The following TMEM108 variants were observed in gnomAD, a reference collection of about 807,000 sequenced individuals.
The protein encoded by TMEM108 is transmembrane protein 108, also known as cancer/testis antigen 124.
TMEM108 carries 12 observed loss-of-function variants against 35.1 expected under a neutral mutation model. That is an observed-to-expected ratio of 0.34 (90% confidence interval 0.22 to 0.55). The LOEUF is 0.55. Ranked by LOEUF, TMEM108 falls within the 20% of genes least tolerant of loss-of-function variation. The pLI, the probability that TMEM108 is intolerant of heterozygous loss-of-function variation, is 0.89. For synonymous variants in TMEM108, 287 were observed against 308.6 expected (o/e 0.93, Z 0.73); for missense variants, 680 against 753.3 (o/e 0.90, Z 1.14).
chr3:133,310,483 T>C (rs1200145042), intron 3 of TMEM108, among the ~76,000 whole-genome samples: 1 of 151,642 alleles, frequency 6.6e-6, no homozygotes, highest in Non-Finnish European at 1.5e-5. Flanking sequence ...TTTTGGTCTT[T>C]GTTGGTTTAA....
chr3:133,054,423 A>G (rs1943441352), intron 2 of TMEM108, among the ~76,000 whole-genome samples: 1 of 152,250 alleles, frequency 6.6e-6, no homozygotes, highest in Non-Finnish European at 1.5e-5. Context: ...TTGCACAGGA[A>G]TAATGGCTAG....
At chr3:133,050,211 A>G (rs1943387252) in intron 2 of TMEM108, among the ~76,000 whole-genome samples, 1 of 152,098 alleles carries the variant, frequency 6.6e-6, no homozygotes, top group Non-Finnish European at 1.5e-5. Flanking sequence ...AGTTGAGGGG[A>G]AGGAGGTGGA....
chr3:133,392,612 C>T (rs935542860), intron 5 of TMEM108, among the ~76,000 whole-genome samples: 3 of 152,188 alleles, frequency 2.0e-5, no homozygotes, highest in African/African-American at 7.2e-5. Context: ...GCACCTCAAA[C>T]TCAACACACC....
chr3:133,305,949 T>C (rs1057037569), intron 3 of TMEM108, among the ~76,000 whole-genome samples: 13 of 152,168 alleles, frequency 8.5e-5, no homozygotes, highest in African/African-American at 2.9e-4. Flanking sequence ...CCCAATTTTT[T>C]ATTGAGTTGT....
At chr3:133,136,041 T>A (rs1490750052) in intron 2 of TMEM108, among the ~76,000 whole-genome samples, 1 of 152,234 alleles carries the variant, frequency 6.6e-6, no homozygotes, top group African/African-American at 2.4e-5. Flanking sequence ...GTCATTACTA[T>A]TTTTCTTTTA....
rs193117721 is a variant in TMEM108, at chr3:133,330,344, C to A, written c.41-49408C>A. 2.3e-3 allele frequency among the ~76,000 whole-genome samples: 354 copies of A among 152,210 alleles called. 2 individuals are homozygous for A. The highest frequency in any genetic ancestry group is 8.0e-3 in the African/African-American group (332 of 41,526). On this transcript the variant is annotated intron_variant, in intron 3 of 5. Transcript: ENST00000321871. Reference sequence around the variant, plus strand: ...AAGCTCTCCTGTCTAAATCCAGATTCTCCATCTGAAAAGGTTAAGCAGGAG... The same window carrying A: ...AAGCTCTCCTGTCTAAATCCAGATTATCCATCTGAAAAGGTTAAGCAGGAG...
rs534652496 is a variant in TMEM108, at chr3:133,379,535, G to A, written c.41-217G>A. On this transcript the variant is annotated intron_variant, in intron 3 of 5. Coordinates refer to ENST00000321871, the MANE Select transcript of TMEM108 (RefSeq NM_023943.4). ...AGCTGCTCTGCTTCCCCTGGTGCTG[G>A]TCTCTCTTTCCAGCAGGTACCAGGC... is the stretch of plus-strand genomic sequence containing the variant. Among the ~76,000 whole-genome samples, 4 of 152,234 alleles carry A rather than the reference G, an allele frequency of 2.6e-5. No individual in the cohort carries two copies. In the East Asian group the frequency reaches 7.7e-4, roughly 29 times the overall value.
intron 3 of TMEM108, among the ~76,000 whole-genome samples, chr3:133,372,508 C>A (rs559638964): frequency 4.3e-4 from 66 of 152,274 alleles, no homozygotes; most frequent in African/African-American, 1.5e-3. Context: ...GGTCTGTCAG[C>A]CCCCTAGAGC....
At chr3:133,230,228 T>C (rs1357181345) in intron 3 of TMEM108, among the ~76,000 whole-genome samples, 1 of 152,312 alleles carries the variant, frequency 6.6e-6, no homozygotes, top group African/African-American at 2.4e-5. Flanking sequence ...TGAAAAGATA[T>C]TGAGATGCAA....
At chr3:133,392,368 G>A (rs1256782581) in intron 5 of TMEM108, among the ~76,000 whole-genome samples, 1 of 151,912 alleles carries the variant, frequency 6.6e-6, no homozygotes, top group African/African-American at 2.4e-5. Context: ...TCGCTATGTT[G>A]GCCAGGCTGG....
chr3:133,038,757 C>G (rs1943237300), intron 1 of TMEM108, among the ~76,000 whole-genome samples: 1 of 152,170 alleles, frequency 6.6e-6, no homozygotes, highest in Admixed American at 6.5e-5. Flanking sequence ...GGGGCGCGGG[C>G]GTCAGGAGCG....
At chr3:133,118,229 T>G (rs1429412200) in intron 2 of TMEM108, among the ~76,000 whole-genome samples, 1 of 152,168 alleles carries the variant, frequency 6.6e-6, no homozygotes, top group East Asian at 1.9e-4. Context: ...TTTGGGATTT[T>G]TATGCCCATC....
At chr3:133,319,823 G>T (rs1033977290) in intron 3 of TMEM108, among the ~76,000 whole-genome samples, 1 of 152,138 alleles carries the variant, frequency 6.6e-6, no homozygotes, top group East Asian at 1.9e-4. Context: ...CTAGGGGAAG[G>T]GGACCCTTCA....
At chr3:133,262,969 C>A (rs769097) in intron 3 of TMEM108, among the ~76,000 whole-genome samples, 46,478 of 152,108 alleles carry the variant, frequency 0.31, 7,827 homozygotes, top group East Asian at 0.47. Flanking sequence ...AAAATGGGAA[C>A]CTGTATTGAA....
chr3:133,362,505 A>G (rs1270649733), intron 3 of TMEM108, among the ~76,000 whole-genome samples: 1 of 152,194 alleles, frequency 6.6e-6, no homozygotes, highest in Non-Finnish European at 1.5e-5. Context: ...GTCCCTCTCT[A>G]TGACCCTACT....
chr3:133,361,420 A>C (rs1480545579), intron 3 of TMEM108, among the ~76,000 whole-genome samples: 2 of 152,256 alleles, frequency 1.3e-5, no homozygotes, highest in African/African-American at 4.8e-5. Flanking sequence ...AAAGGTTATC[A>C]TGTGGGTTTA....
At chr3:133,372,699 T>C (rs757399183) in intron 3 of TMEM108, among the ~76,000 whole-genome samples, 1 of 152,230 alleles carries the variant, frequency 6.6e-6, no homozygotes, top group Non-Finnish European at 1.5e-5. Flanking sequence ...ATCTCAGAGA[T>C]GTCTGTAATC....
At chr3:133,362,891 G>C (rs1289652527) in intron 3 of TMEM108, among the ~76,000 whole-genome samples, 1 of 152,148 alleles carries the variant, frequency 6.6e-6, no homozygotes, top group Non-Finnish European at 1.5e-5. Context: ...TTCATTGAGG[G>C]CACACAGTTT....
chr3:133,195,855 T>C (rs753003578), intron 2 of TMEM108, among the ~76,000 whole-genome samples: 1 of 152,228 alleles, frequency 6.6e-6, no homozygotes, highest in South Asian at 2.1e-4. Context: ...GACAAACCTA[T>C]ACGTGGTGAG....
Sources: allele counts gnomAD v4.1 joint callset (sites outside exome capture counted in the v4.1 genomes callset), GRCh38; gene constraint gnomAD v4.1.1; transcripts MANE v1.5; gene names NCBI Gene and HGNC (gene_info 2026-07-23, HGNC 2026-07-21).